The following PNLIPRP1 variants were observed in gnomAD, a reference collection of about 807,000 sequenced individuals.
PNLIPRP1 encodes pancreatic lipase related protein 1.
A neutral mutation model predicts 54.6 loss-of-function variants in PNLIPRP1; 57 were observed. The ratio of observed to expected loss-of-function variants is 1.04; its 90% CI spans 0.84 to 1.30. The LOEUF (loss-of-function observed/expected upper bound fraction) is 1.30. Among genes scored for constraint, PNLIPRP1 ranks in the 50% most tolerant of loss-of-function variants. PNLIPRP1 has a pLI of 0.00. For missense variants in PNLIPRP1, 567 were observed against 568.5 expected, an observed-to-expected ratio of 1.00 and a Z score of 0.03; for synonymous variants, 232 against 208.8, an observed-to-expected ratio of 1.11 and a Z score of -0.96.
intron 10 of PNLIPRP1, among the ~76,000 whole-genome samples, 199 bp downstream of exon 10, chr10:116,601,400 G>A (rs187611731): frequency 1.0e-3 from 159 of 152,176 alleles, no homozygotes; most frequent in African/African-American, 3.6e-3. Context: ...CTATTTCTGC[G>A]GCATGAAATG....
At chr10:116,602,886 A>T (rs2915757) in intron 10 of PNLIPRP1, among the ~76,000 whole-genome samples, 135,279 of 152,242 alleles carry the variant, frequency 0.89, 60,449 homozygotes, top group East Asian at 1. Context: ...TGCGTGGTTA[A>T]ATGTGTGTAG....
chr10:116,592,862 T>A lies in PNLIPRP1; in HGVS notation c.330+321T>A, dbSNP rs139747888. ...ACTATAGGGGTTTCTTTGTTCAAAT[T>A]TTTCCCACATCCCTGAGAGGCTGAC... On this transcript the variant is annotated intron_variant, in intron 4 of 12. Coordinates refer to ENST00000358834, the MANE Select transcript of PNLIPRP1 (RefSeq NM_006229.4). The A allele has an allele frequency of 1.7e-3, 629 of 377,776 alleles. 5 individuals carry two copies. Among genetic ancestry groups the A allele is most frequent in the African/African-American group, 0.013 (594 of 47,490 alleles). 23.4% of individuals were successfully genotyped at this position (377,776 alleles called of 1,614,324 possible).
chr10:116,596,052 T>G, intron 5 of PNLIPRP1, 162 bp from the exon 6 acceptor site: 1 of 635,950 alleles, frequency 1.6e-6, no homozygotes, highest in Non-Finnish European at 2.9e-6. Flanking sequence ...AAATAGATGA[T>G]GAGTTAGGAA....
intron 10 of PNLIPRP1, among the ~76,000 whole-genome samples, chr10:116,602,207 G>C (rs1280204772): frequency 6.6e-6 from 1 of 152,028 alleles, no homozygotes; most frequent in East Asian, 1.9e-4. Context: ...TTTTAGTAGA[G>C]ACGGGGTTTC....
rs570667964 is a variant in PNLIPRP1 at position 116,602,949 on chromosome 10, G to T, written c.1064-1081G>T. Among the ~76,000 whole-genome samples the T allele has an allele frequency of 1.0e-3, 135 of 135,034 alleles. 3 individuals carry two copies. In the East Asian group the frequency reaches 0.025, roughly 25 times the overall value. 88.6% of individuals were successfully genotyped at this position (135,034 alleles called of 152,430 possible). On this transcript the variant is annotated intron_variant, in intron 10 of 12. Coordinates refer to ENST00000358834, the MANE Select transcript of PNLIPRP1 (RefSeq NM_006229.4). ...CATGTTTGTGTAGATGTATGTGTGT[G>T]TGCACATGCACATGTTGTGTATATG... is the stretch of plus-strand genomic sequence containing the variant.
chr10:116,597,958 T>C lies in PNLIPRP1; in HGVS notation c.694+11T>C. On this transcript the variant is annotated intron_variant, in intron 7 of 12. Coordinates refer to ENST00000358834, the MANE Select transcript of PNLIPRP1 (RefSeq NM_006229.4). ...TGATCCCATTCTTGGGTGAGACCTA[T>C]GATGCTCCAGCTGTGAGCACGCACA... 2.5e-6 allele frequency: 4 copies of C among 1,614,226 alleles called. No individual in the cohort carries two copies. Among genetic ancestry groups the C allele is most frequent in the Non-Finnish European group, 3.4e-6 (4 of 1,180,038 alleles).
intron 10 of PNLIPRP1, among the ~76,000 whole-genome samples, chr10:116,603,083 G>C (rs1480348426): frequency 6.6e-6 from 1 of 152,222 alleles, no homozygotes; most frequent in Non-Finnish European, 1.5e-5. Flanking sequence ...GCATATGTTT[G>C]TGTATATGTA....
In PNLIPRP1 at chr10:116,596,231, C is replaced by A. The variant is rs782108929; in HGVS notation, c.483C>A (p.Pro161=). The A allele has an allele frequency of 1.1e-5, 18 of 1,612,082 alleles. No individual in the cohort carries two copies. The highest frequency in any genetic ancestry group is 1.7e-5 in the Admixed American group (1 of 59,976). Residue 161 remains proline (P), a synonymous_variant, in exon 6 of 13, where the codon CCC becomes CCA. Coordinates refer to ENST00000358834, the MANE Select transcript of PNLIPRP1 (RefSeq NM_006229.4). ...CTCTCCAGACAGAGTATAGCTACCC[C>A]CCTTCCAAAGTTCACCTCATTGGCC... The part of the protein sequence containing the change: ...LDILLTEYSY[P]PSKVHLIGHS...
chr10:116,597,944 T>G lies in PNLIPRP1; in HGVS notation c.691T>G (p.Leu231Val). Reference sequence around the variant, plus strand: ...GGATGCAGCTCCCCTGATCCCATTCTTGGGTGAGACCTATGATGCTCCAGC... The same window carrying G: ...GGATGCAGCTCCCCTGATCCCATTCGTGGGTGAGACCTATGATGCTCCAGC... ...HTDAAPLIPF[L>V]GFGTNQQMGH... is the part of the protein sequence containing the mutation. Residue 231 changes from leucine to valine, a missense_variant, in exon 7 of 13, where the codon TTG (leucine) becomes GTG (valine). Transcript: ENST00000358834. The G allele has an allele frequency of 6.2e-7, 1 of 1,614,208 alleles. No individual in the cohort carries two copies. Among genetic ancestry groups the G allele is most frequent in the Non-Finnish European group, 8.5e-7 (1 of 1,180,020 alleles).
chr10:116,596,098 C>A, intron 5 of PNLIPRP1, 116 bp from the exon 6 acceptor site: 1 of 723,064 alleles, frequency 1.4e-6, no homozygotes, highest in Non-Finnish European at 2.5e-6. Flanking sequence ...TGGGCTTGAT[C>A]CTGAAGGCAA....
intron 11 of PNLIPRP1, among the ~76,000 whole-genome samples, chr10:116,604,423 T>TACAG (rs1206461886): frequency 6.6e-6 from 1 of 152,212 alleles, no homozygotes; most frequent in African/African-American, 2.4e-5. Context: ...TAACATGTAG[T>TACAG]ACAGGTTTGT....
intron 5 of PNLIPRP1, 172 bp downstream of exon 5, chr10:116,595,036 A>G (rs1564736098): frequency 2.8e-6 from 2 of 720,142 alleles, no homozygotes; most frequent in South Asian, 4.2e-5. Flanking sequence ...GGAAGCAAAA[A>G]TAAGAATCGC....
chr10:116,606,635 A>ATTT (rs1405333100), intron 12 of PNLIPRP1, among the ~76,000 whole-genome samples: 1 of 152,136 alleles, frequency 6.6e-6, no homozygotes, highest in Non-Finnish European at 1.5e-5. Context: ...GAATCTTAAA[A>ATTT]ATTAGAGGTG....
In PNLIPRP1 at chr10:116,590,962, C is replaced by G. The variant is rs1380429364; in HGVS notation, c.-34C>G. On this transcript the variant is annotated 5_prime_UTR_variant, in exon 1 of 13. In the 5' UTR this introduces an upstream ATG that the reference lacks. Coordinates refer to ENST00000358834, the MANE Select transcript of PNLIPRP1 (RefSeq NM_006229.4). The stretch of plus-strand genomic sequence containing the variant: ...TTTTAGAAAGGGCTGGACACTCGAT[C>G]CGGTGGGAGGGAACATCTGGAACAT... The G allele has an allele frequency of 1.7e-6, 1 of 589,782 alleles. No homozygotes were observed. Among genetic ancestry groups the G allele is most frequent in the Non-Finnish European group, 3.0e-6 (1 of 328,788 alleles). 36.5% of individuals were successfully genotyped at this position (589,782 alleles called of 1,614,324 possible). A position where few individuals can be genotyped will look rare whatever the true frequency, so the allele number is the denominator to read the frequency against.
intron 10 of PNLIPRP1, among the ~76,000 whole-genome samples, chr10:116,601,884 G>A (rs1847847457): frequency 6.6e-6 from 1 of 152,140 alleles, no homozygotes; most frequent in Admixed American, 6.5e-5. Context: ...GATTTATTGA[G>A]GTATAATTTA....
chr10:116,599,110 C>G (rs1554864385), intron 8 of PNLIPRP1, among the ~76,000 whole-genome samples: 1 of 151,802 alleles, frequency 6.6e-6, no homozygotes, highest in Non-Finnish European at 1.5e-5. Context: ...CAAAAAGTAG[C>G]CAGTCGTGGT....
In PNLIPRP1 at chr10:116,604,146, C is replaced by T. The variant is rs1554865230; in HGVS notation, c.1172+8C>T. 2 of 1,428,978 alleles carry T rather than the reference C, an allele frequency of 1.4e-6. No individual in the cohort carries two copies. The highest frequency in any genetic ancestry group is 4.6e-5 in the East Asian group (2 of 43,896). 88.5% of individuals were successfully genotyped at this position (1,428,978 alleles called of 1,614,324 possible). A position where few individuals can be genotyped will look rare whatever the true frequency, so the allele number is the denominator to read the frequency against. ...CCAGTACAGTATCTTCAGGTAATTTCCTATTTTAACACTACGTCTCATTTG... is the reference window on the plus strand; with the variant it reads ...CCAGTACAGTATCTTCAGGTAATTTTCTATTTTAACACTACGTCTCATTTG... On this transcript the variant is annotated splice_region_variant and intron_variant, in intron 11 of 12. Transcript: ENST00000358834.
intron 4 of PNLIPRP1, 107 bp downstream of exon 4, chr10:116,592,648 T>C: frequency 7.3e-7 from 1 of 1,373,544 alleles, no homozygotes; most frequent in South Asian, 1.2e-5. Context: ...GGTAACTTTA[T>C]GCAATTAAAA....
intron 4 of PNLIPRP1, chr10:116,593,970 A>AG (rs1409370059): frequency 0.031 from 5,173 of 166,206 alleles, 137 homozygotes; most frequent in African/African-American, 0.08. Flanking sequence ...AAAAAAAAAA[A>AG]AAAGAAAGAA....
Sources: allele counts gnomAD v4.1 joint callset (sites outside exome capture counted in the v4.1 genomes callset), GRCh38; gene constraint gnomAD v4.1.1; transcripts MANE v1.5; gene names NCBI Gene and HGNC (gene_info 2026-07-23, HGNC 2026-07-21).